The following DCDC2 variants were observed in gnomAD, a reference collection of about 807,000 sequenced individuals.
The protein encoded by DCDC2 is doublecortin domain-containing protein 2.
In DCDC2, 40 loss-of-function variants were observed where a neutral mutation model predicts 50.2. The observed-to-expected ratio is 0.80, with a 90% CI of 0.62 to 1.04. DCDC2 has a LOEUF of 1.04. Ranked by LOEUF, DCDC2 falls within the 50% of genes least tolerant of loss-of-function variation. The probability of loss-of-function intolerance (pLI) is 0.00; values close to 1 mark genes in which losing one functional copy is unlikely to be tolerated. For synonymous variants in DCDC2, 234 were observed against 210.6 expected (o/e 1.11, Z -0.96); for missense variants, 570 against 581.9 (o/e 0.98, Z 0.21).
chr6:24,368,833 A>C, the DCDC2 span, among the ~76,000 whole-genome samples: 2 of 152,340 alleles, frequency 1.3e-5, no homozygotes, highest in African/African-American at 4.8e-5. Flanking sequence ...TTCATATAGA[A>C]CTAGAATACT....
intron 7 of DCDC2, among the ~76,000 whole-genome samples, chr6:24,220,915 C>CGAGAGAGCGAGA (rs1369192042): frequency 7.6e-6 from 1 of 131,674 alleles, no homozygotes; most frequent in South Asian, 2.5e-4. Flanking sequence ...AGAGAGTGAG[C>CGAGAGAGCGAGA]GAGCGAGCGA....
In DCDC2 at chr6:24,352,019, G is replaced by A. The variant is rs373770080; in HGVS notation, c.348+1550C>T. Among the ~76,000 whole-genome samples, 793 of 152,186 alleles carry A rather than the reference G, an allele frequency of 5.2e-3. 4 individuals carry two copies. Among genetic ancestry groups the A allele is most frequent in the African/African-American group, 0.018 (740 of 41,540 alleles). On this transcript the variant is annotated intron_variant, in intron 2 of 9. Transcript: ENST00000378454. ...CTCAGGAGGCTGAGGCAGGAGAATC[G>A]CTTGAACCCAGGAGGTGGAGGTTGC...
chr6:24,348,555 T>C (rs529235273), intron 2 of DCDC2, among the ~76,000 whole-genome samples: 54 of 152,334 alleles, frequency 3.5e-4, no homozygotes, highest in Middle Eastern at 6.8e-3. Context: ...CTCTTTTCCA[T>C]GCAAGCTGAT....
chr6:24,198,014 G>T (rs749629328), intron 8 of DCDC2, among the ~76,000 whole-genome samples: 3 of 152,138 alleles, frequency 2.0e-5, no homozygotes, highest in Admixed American at 2.0e-4. Flanking sequence ...ATGTGAGTAC[G>T]TATATACTCA....
upstream of DCDC2, among the ~76,000 whole-genome samples, chr6:24,359,019 T>TTTATATTTTATATTTTATATATA (rs1760571928): frequency 3.6e-5 from 1 of 28,166 alleles, no homozygotes; most frequent in Admixed American, 6.8e-4. Flanking sequence ...TATTATATAT[T>TTTATATTTTATATTTTATATATA]TTATATTTTA....
intron 7 of DCDC2, among the ~76,000 whole-genome samples, chr6:24,250,278 C>T (rs750380565): frequency 1.3e-5 from 2 of 152,078 alleles, no homozygotes; most frequent in Non-Finnish European, 2.9e-5. Context: ...CATGTCAACA[C>T]CAGGTTGCAG....
chr6:24,220,879 AGAGCGAGAGAGTGAGC>A (rs1410044395), intron 7 of DCDC2, among the ~76,000 whole-genome samples: 1 of 106,978 alleles, frequency 9.3e-6, no homozygotes, highest in East Asian at 2.6e-4. Context: ...CAAGAGAGCG[AGAGCGAGAGAGTGAGC>A]GAGCGAGCGA....
upstream of DCDC2, among the ~76,000 whole-genome samples, chr6:24,360,835 CACAA>C (rs1760654680): frequency 2.0e-5 from 3 of 152,138 alleles, no homozygotes; most frequent in Non-Finnish European, 4.4e-5. Flanking sequence ...ATCTAATATT[CACAA>C]TAACCTTCAG....
At chr6:24,214,753 C>G (rs1311496622) in intron 7 of DCDC2, among the ~76,000 whole-genome samples, 2 of 152,190 alleles carry the variant, frequency 1.3e-5, no homozygotes, top group Admixed American at 6.5e-5. Flanking sequence ...GACAATTTCT[C>G]TTCTTAATTC....
intron 7 of DCDC2, among the ~76,000 whole-genome samples, chr6:24,259,373 T>C (rs1265170538): frequency 1.3e-5 from 2 of 152,198 alleles, no homozygotes; most frequent in Non-Finnish European, 1.5e-5. Context: ...TACTAAGTGA[T>C]GGTCTTTAGA....
intron 7 of DCDC2, among the ~76,000 whole-genome samples, chr6:24,226,937 G>C (rs1762244590): frequency 6.6e-6 from 1 of 152,188 alleles, no homozygotes; most frequent in South Asian, 2.1e-4. Context: ...CACATACTCG[G>C]GAGGCAGCCA....
chr6:24,314,937 C>A (rs1199110892), intron 2 of DCDC2, among the ~76,000 whole-genome samples: 3 of 152,072 alleles, frequency 2.0e-5, no homozygotes, highest in African/African-American at 7.2e-5. Flanking sequence ...GTGCTAAGTG[C>A]TTGAGATCTT....
intron 7 of DCDC2, among the ~76,000 whole-genome samples, chr6:24,274,235 CACT>C (rs1156524402): frequency 1.3e-5 from 2 of 152,162 alleles, no homozygotes; most frequent in African/African-American, 2.4e-5. Flanking sequence ...GTTCTAAAAG[CACT>C]ACATTTTTTC....
At chr6:24,258,497 T>G (rs1481233301) in intron 7 of DCDC2, among the ~76,000 whole-genome samples, 1 of 152,170 alleles carries the variant, frequency 6.6e-6, no homozygotes, top group African/African-American at 2.4e-5. Flanking sequence ...AGAGTGCTGC[T>G]GATTGGTGCA....
In DCDC2 at chr6:24,253,184, G is replaced by C. The variant is rs573711620; in HGVS notation, c.922+24865C>G. On this transcript the variant is annotated intron_variant, in intron 7 of 9. Coordinates refer to ENST00000378454, the MANE Select transcript of DCDC2 (RefSeq NM_016356.5). Reference sequence around the variant, plus strand: ...GCTGAAGAAAGGAAATAAATATAAGGGTAGAGATTAAATGAAAAATAAAAC... The same window carrying C: ...GCTGAAGAAAGGAAATAAATATAAGCGTAGAGATTAAATGAAAAATAAAAC... Among the ~76,000 whole-genome samples, 105 of 151,560 alleles carry C rather than the reference G, an allele frequency of 6.9e-4. 1 individual carries two copies. The highest frequency in any genetic ancestry group is 2.5e-3 in the African/African-American group (102 of 41,318).
chr6:24,283,463 C>T (rs1270689733), intron 6 of DCDC2, among the ~76,000 whole-genome samples: 2 of 152,130 alleles, frequency 1.3e-5, no homozygotes, highest in Non-Finnish European at 2.9e-5. Context: ...TCTACCAGTC[C>T]CTCATCCACA....
intron 8 of DCDC2, among the ~76,000 whole-genome samples, chr6:24,185,747 T>C (rs1045918637): frequency 2.7e-5 from 4 of 148,654 alleles, no homozygotes; most frequent in African/African-American, 1.0e-4. Context: ...AGATAAAATC[T>C]ATACCATGGT....
intron 4 of DCDC2, among the ~76,000 whole-genome samples, chr6:24,300,358 G>C (rs1343449586): frequency 6.6e-6 from 1 of 152,086 alleles, no homozygotes; most frequent in Non-Finnish European, 1.5e-5. Context: ...CTCCAGCCTG[G>C]GTGACACAGC....
chr6:24,282,329 G>A (rs976490758), intron 6 of DCDC2, among the ~76,000 whole-genome samples: 5 of 151,674 alleles, frequency 3.3e-5, no homozygotes, highest in South Asian at 2.1e-4. Flanking sequence ...TGCAACCTCC[G>A]CCTCCCAGGT....
Sources: allele counts gnomAD v4.1 joint callset (sites outside exome capture counted in the v4.1 genomes callset), GRCh38; gene constraint gnomAD v4.1.1; transcripts MANE v1.5; gene names NCBI Gene and HGNC (gene_info 2026-07-23, HGNC 2026-07-21).